Variants in PATJ observed in about 807,000 individuals in gnomAD.
PATJ encodes inaD-like protein.
A neutral mutation model predicts 224.9 loss-of-function variants in PATJ; 190 were observed. The observed-to-expected ratio is 0.84, with a 90% confidence interval of 0.75 to 0.95. The LOEUF (loss-of-function observed/expected upper bound fraction) is 0.95. Ranked by LOEUF, PATJ falls within the 40% of genes least tolerant of loss-of-function variation. The probability of loss-of-function intolerance (pLI) is 0.00; values close to 1 mark genes in which losing one functional copy is unlikely to be tolerated. For synonymous variants in PATJ, 769 were observed against 820.3 expected, an observed-to-expected ratio of 0.94 and a Z score of 1.07; for missense variants, 2,121 against 2,270.3, an observed-to-expected ratio of 0.93 and a Z score of 1.34.
At chr1:61,960,698 G>C (rs1681151428) in intron 27 of PATJ, among the ~76,000 whole-genome samples, 2 of 151,372 alleles carry the variant, frequency 1.3e-5, no homozygotes, top group African/African-American at 4.9e-5. Flanking sequence ...TTTGAACGAA[G>C]TACAATTTTT....
chr1:61,857,474 C>T (rs75931262), intron 18 of PATJ, among the ~76,000 whole-genome samples: 2,988 of 152,268 alleles, frequency 0.02, 118 homozygotes, highest in African/African-American at 0.068. Context: ...GTGCTCTTAG[C>T]CACAGTGCTG....
chr1:61,746,593 A>G (rs1025386955), intron 1 of PATJ, among the ~76,000 whole-genome samples: 2 of 152,238 alleles, frequency 1.3e-5, no homozygotes, highest in African/African-American at 4.8e-5. Context: ...ATGAAAACCA[A>G]TATGCAATAT....
At chr1:62,134,471 G>A (rs1302005472) in intron 41 of PATJ, among the ~76,000 whole-genome samples, 3 of 151,056 alleles carry the variant, frequency 2.0e-5, no homozygotes, top group African/African-American at 4.9e-5. Context: ...TCAGCCTCCC[G>A]AGTAGCTGGG....
chr1:61,875,705 G>A (rs1397022758), intron 21 of PATJ, among the ~76,000 whole-genome samples: 1 of 151,994 alleles, frequency 6.6e-6, no homozygotes, highest in Non-Finnish European at 1.5e-5. Context: ...ATGCTCTTAA[G>A]TAATATTGCT....
intron 14 of PATJ, among the ~76,000 whole-genome samples, chr1:61,818,793 C>T (rs998127137): frequency 2.0e-5 from 3 of 152,122 alleles, no homozygotes; most frequent in Non-Finnish European, 2.9e-5. Context: ...CTGGAGGGCA[C>T]GAGATGACAT....
chr1:61,793,552 G>A (rs2148522336), intron 9 of PATJ, among the ~76,000 whole-genome samples: 1 of 152,008 alleles, frequency 6.6e-6, no homozygotes, highest in Admixed American at 6.5e-5. Context: ...ACCAGCTTGG[G>A]CAACATGGTG....
Position 62,066,909 on chromosome 1 carries a change from T to A in PATJ, c.4126-12541T>A, listed in dbSNP as rs534440150. ...TCCACCTCTGGGTGGGGCCACAGGA[T>A]CAGTTGAATCATGAGTCACAAGTCC... is the stretch of plus-strand genomic sequence containing the variant. On this transcript the variant is annotated intron_variant, in intron 31 of 43. Transcript: ENST00000642238. Among the ~76,000 whole-genome samples, 7 of 152,060 alleles carry A rather than the reference T, an allele frequency of 4.6e-5. No homozygotes were observed. In the East Asian group the frequency reaches 9.7e-4, roughly 21 times the overall value.
At chr1:61,858,881 A>T (rs1478855657) in intron 18 of PATJ, among the ~76,000 whole-genome samples, 2 of 152,238 alleles carry the variant, frequency 1.3e-5, no homozygotes, top group Non-Finnish European at 2.9e-5. Flanking sequence ...TTCAAAGTGG[A>T]ATATAGCACA....
intron 30 of PATJ, among the ~76,000 whole-genome samples, chr1:62,044,620 T>C (rs1282461593): frequency 6.6e-6 from 1 of 152,204 alleles, no homozygotes; most frequent in African/African-American, 2.4e-5. Flanking sequence ...ACCTCCTTTT[T>C]GCTTTCTTAG....
chr1:61,827,690 T>G, intron 16 of PATJ, 107 bp downstream of exon 16: 1 of 1,035,378 alleles, frequency 9.7e-7, no homozygotes, highest in South Asian at 2.7e-5. Context: ...CACTCTGCTC[T>G]TTTTTTGCTT....
At chr1:61,875,421 G>T in intron 21 of PATJ, 55 bp downstream of exon 21, 2 of 1,449,164 alleles carry the variant, frequency 1.4e-6, no homozygotes, top group Non-Finnish European at 1.9e-6. Context: ...CAAGCTTTCA[G>T]TTTTATGTTT....
intron 16 of PATJ, 115 bp from the exon 17 acceptor site, chr1:61,833,539 G>C: frequency 5.2e-6 from 5 of 968,454 alleles, no homozygotes; most frequent in Non-Finnish European, 7.4e-6. Flanking sequence ...GAAAAACTAC[G>C]CATGCCAAAG....
chr1:62,060,737 T>A (rs1389447725), intron 31 of PATJ, among the ~76,000 whole-genome samples: 1 of 152,028 alleles, frequency 6.6e-6, no homozygotes, highest in African/African-American at 2.4e-5. Context: ...AGTGCAGTGG[T>A]AAGATCATAG....
At chr1:61,951,992 G>T (rs34189113) in intron 27 of PATJ, 2 of 184,550 alleles carry the variant, frequency 1.1e-5, no homozygotes, top group Middle Eastern at 4.2e-3. Context: ...AATGGTTGAG[G>T]TTATAATGCC....
chr1:62,024,540 A>C (rs1647406727), intron 29 of PATJ, among the ~76,000 whole-genome samples: 1 of 152,064 alleles, frequency 6.6e-6, no homozygotes, highest in South Asian at 2.1e-4. Context: ...CAACTAATTG[A>C]GATGGTCATC....
chr1:62,102,007 T>C (rs910258424), intron 33 of PATJ, among the ~76,000 whole-genome samples: 1 of 152,114 alleles, frequency 6.6e-6, no homozygotes, highest in Non-Finnish European at 1.5e-5. Context: ...AGCAAGACCC[T>C]GTCTCTACAA....
intron 27 of PATJ, among the ~76,000 whole-genome samples, chr1:61,949,231 A>G (rs947364342): frequency 2.0e-5 from 3 of 152,070 alleles, no homozygotes; most frequent in Non-Finnish European, 4.4e-5. Flanking sequence ...AAAAGAAAAA[A>G]AAAGGAAGCC....
At chr1:61,780,491 A>G (rs1256558446) in intron 7 of PATJ, among the ~76,000 whole-genome samples, 1 of 152,098 alleles carries the variant, frequency 6.6e-6, no homozygotes. Context: ...CAAAAACCAC[A>G]CACATCTGTG....
chr1:62,015,839 T>C (rs1320333977), intron 28 of PATJ, among the ~76,000 whole-genome samples: 1 of 152,164 alleles, frequency 6.6e-6, no homozygotes. Flanking sequence ...AGCTAACTTT[T>C]GTATTTTTTA....
Sources: gnomAD v4.1 joint callset for allele counts (sites outside exome capture counted in the v4.1 genomes callset) on GRCh38, gnomAD v4.1.1 for gene constraint, MANE v1.5 for transcripts, NCBI Gene and HGNC (gene_info 2026-07-23, HGNC 2026-07-21) for gene names.